The following GRAMD1B variants were observed in gnomAD, a reference collection of about 807,000 sequenced individuals.
The protein encoded by GRAMD1B is protein Aster-B.
Under a neutral mutation model 99.7 loss-of-function variants are expected in GRAMD1B, and 37 were observed. That is an observed-to-expected ratio of 0.37 (90% confidence interval 0.29 to 0.49). The LOEUF is 0.49. GRAMD1B is among the 20% of genes least tolerant of loss of function. The pLI is 0.98. For synonymous variants in GRAMD1B, 427 were observed against 387.6 expected (o/e 1.10, Z -1.19); for missense variants, 888 against 1,009.2 (o/e 0.88, Z 1.63).
rs750911598 is a variant in GRAMD1B at position 123,431,065 on chromosome 11, G to T, written c.273G>T (p.Pro91=). Residue 91 remains proline (P), a synonymous_variant, in exon 1 of 20, where the codon CCG becomes CCT. Transcript: ENST00000635736. ...CGCCCTCCAGCGACGAGGACACCCC[G>T]TGGTCCAACTGCTCCACACCCAGCG... is the stretch of plus-strand genomic sequence containing the variant. The part of the protein sequence containing the change: ...EITPSSDEDT[P]WSNCSTPSAS... 1.3e-5 allele frequency: 9 copies of T among 702,872 alleles called. No individual in the cohort carries two copies. The highest frequency in any genetic ancestry group is 2.1e-5 in the Non-Finnish European group (8 of 384,982). 43.5% of individuals were successfully genotyped at this position (702,872 alleles called of 1,614,324 possible). A position where few individuals can be genotyped will look rare whatever the true frequency, so the allele number is the denominator to read the frequency against.
At chr11:123,622,356 G>T (rs1955230003) in intron 19 of GRAMD1B, 150 bp from the exon 20 acceptor site, 2 of 608,712 alleles carry the variant, frequency 3.3e-6, no homozygotes, top group East Asian at 5.9e-5. Flanking sequence ...ACAGTGTTGA[G>T]AACCACCCTT....
In GRAMD1B at chr11:123,368,764, T is replaced by C. The variant is rs972241579; in HGVS notation, c.-176+9965T>C. Among the ~76,000 whole-genome samples, 7 of 150,080 alleles carry C rather than the reference T, an allele frequency of 4.7e-5. No individual in the cohort carries two copies. In the East Asian group the frequency reaches 9.8e-4, roughly 21 times the overall value. On this transcript the variant is annotated intron_variant, in intron 1 of 20. Coordinates refer to the GRAMD1B transcript ENST00000638157. ...AATCAAAATTTGAGCAGGATGAGGA[T>C]TGGAAAGAGGCCATTGGAGTGAAGA... is the stretch of plus-strand genomic sequence containing the variant.
rs116179522 is a variant in GRAMD1B, at chr11:123,457,618, G to A, written c.375-23198G>A. Among the ~76,000 whole-genome samples the A allele has an allele frequency of 2.8e-3, 420 of 152,316 alleles. 4 individuals carry two copies. Among genetic ancestry groups the A allele is most frequent in the African/African-American group, 9.7e-3 (404 of 41,570 alleles). ...TGGGGCAACTTGCTCTGTGTTCTACGGAGTCCATGACAGAGTCAGTGCTGG... is the reference window on the plus strand; with the variant it reads ...TGGGGCAACTTGCTCTGTGTTCTACAGAGTCCATGACAGAGTCAGTGCTGG... On this transcript the variant is annotated intron_variant, in intron 1 of 19. Coordinates refer to ENST00000635736, the MANE Select transcript of GRAMD1B (RefSeq NM_001387025.1).
At chr11:123,616,063 C>T (rs1182258354) in intron 17 of GRAMD1B, among the ~76,000 whole-genome samples, 1 of 152,144 alleles carries the variant, frequency 6.6e-6, no homozygotes, top group Non-Finnish European at 1.5e-5. Context: ...GTGGCTCACA[C>T]GTGTAATCCC....
chr11:123,415,322 C>T (rs556351111), intron 1 of GRAMD1B, among the ~76,000 whole-genome samples: 3 of 151,884 alleles, frequency 2.0e-5, no homozygotes, highest in Non-Finnish European at 2.9e-5. Flanking sequence ...AGGATGGTCT[C>T]GATTTCTTGA....
At chr11:123,513,578 TTTCCTTCCTTCCTTC>T (rs1481212636) in intron 2 of GRAMD1B, among the ~76,000 whole-genome samples, 1 of 41,672 alleles carries the variant, frequency 2.4e-5, no homozygotes, top group African/African-American at 9.3e-5. Context: ...CCTTCCTTCC[TTTCCTTCCTTCCTTC>T]CTTCCTTCCT....
intron 2 of GRAMD1B, among the ~76,000 whole-genome samples, chr11:123,518,564 C>G (rs899865996): frequency 6.6e-6 from 1 of 152,086 alleles, no homozygotes; most frequent in Non-Finnish European, 1.5e-5. Flanking sequence ...GTGTTTTTAC[C>G]TTTTACTTTT....
chr11:123,608,554 C>T, intron 11 of GRAMD1B, 105 bp from the exon 12 acceptor site: 20 of 1,547,288 alleles, frequency 1.3e-5, no homozygotes, highest in Non-Finnish European at 1.5e-5. Context: ...CCCTTGTTGA[C>T]TGTGCTCATA....
chr11:123,411,577 T>C (rs1157496902), intron 1 of GRAMD1B, among the ~76,000 whole-genome samples: 1 of 152,150 alleles, frequency 6.6e-6, no homozygotes, highest in East Asian at 1.9e-4. Flanking sequence ...CCCCCAGAGA[T>C]TTAGAAATAC....
At position 123,569,646 on chromosome 11, in the gene GRAMD1B, C is replaced by T. The variant is rs537986332; in HGVS notation, c.453-7721C>T. ...GGCTCTCCTCTCTCAGCCACTTGAG[C>T]GTGTGCTATGGGAAAATTCGAAGGG... On this transcript the variant is annotated intron_variant, in intron 2 of 19. Transcript: ENST00000635736. Among the ~76,000 whole-genome samples, 4 of 152,244 alleles carry T rather than the reference C, an allele frequency of 2.6e-5. No homozygotes were observed. The South Asian group carries it at 8.3e-4, about 32-fold the overall frequency.
intron 2 of GRAMD1B, among the ~76,000 whole-genome samples, chr11:123,530,815 C>T (rs1943282055): frequency 6.6e-6 from 1 of 152,162 alleles, no homozygotes. Flanking sequence ...AGGTTGGGGT[C>T]ACTTCATGGC....
At chr11:123,402,449 GGT>G (rs1947701537) in intron 1 of GRAMD1B, among the ~76,000 whole-genome samples, 3 of 152,174 alleles carry the variant, frequency 2.0e-5, no homozygotes, top group African/African-American at 7.2e-5. Context: ...TTGAGTACGA[GGT>G]GTGTGTCAGA....
chr11:123,559,297 A>G (rs764660961), intron 2 of GRAMD1B, among the ~76,000 whole-genome samples: 22 of 152,154 alleles, frequency 1.4e-4, no homozygotes, highest in Non-Finnish European at 3.1e-4. Flanking sequence ...AAGAGATGAC[A>G]ATGGTTCTCA....
intron 1 of GRAMD1B, among the ~76,000 whole-genome samples, chr11:123,400,141 G>A (rs1354486346): frequency 1.3e-5 from 2 of 151,984 alleles, no homozygotes; most frequent in African/African-American, 4.8e-5. Flanking sequence ...GAGTCCATTT[G>A]GGGTACTGTA....
At chr11:123,414,601 T>C (rs1948165636) in intron 1 of GRAMD1B, among the ~76,000 whole-genome samples, 1 of 152,166 alleles carries the variant, frequency 6.6e-6, no homozygotes, top group South Asian at 2.1e-4. Flanking sequence ...CTATCCCCCT[T>C]GTCTTTGCAT....
At chr11:123,530,764 CCCAG>C (rs1943270744) in intron 2 of GRAMD1B, among the ~76,000 whole-genome samples, 1 of 152,176 alleles carries the variant, frequency 6.6e-6, no homozygotes, top group Admixed American at 6.5e-5. Context: ...AGCCAGGCTT[CCCAG>C]CTATGGAAAC....
intron 1 of GRAMD1B, among the ~76,000 whole-genome samples, chr11:123,433,110 T>C (rs1948978438): frequency 1.3e-5 from 2 of 151,940 alleles, no homozygotes; most frequent in African/African-American, 4.8e-5. Context: ...TCCCAGCACT[T>C]TGGGAGGCTG....
At chr11:123,388,887 C>G (rs919041916) in intron 1 of GRAMD1B, among the ~76,000 whole-genome samples, 1 of 152,148 alleles carries the variant, frequency 6.6e-6, no homozygotes, top group Non-Finnish European at 1.5e-5. Flanking sequence ...TGTTTAAAAG[C>G]TATCCAGGTT....
chr11:123,535,698 A>G (rs1259870608), intron 2 of GRAMD1B, among the ~76,000 whole-genome samples: 1 of 152,216 alleles, frequency 6.6e-6, no homozygotes, highest in African/African-American at 2.4e-5. Flanking sequence ...TATCATGCAT[A>G]CACAAAAATG....
Sources: gnomAD v4.1 joint callset for allele counts (sites outside exome capture counted in the v4.1 genomes callset) on GRCh38, gnomAD v4.1.1 for gene constraint, MANE v1.5 for transcripts, NCBI Gene and HGNC (gene_info 2026-07-23, HGNC 2026-07-21) for gene names.